The following FBXO36 variants were observed in gnomAD, a reference collection of about 807,000 sequenced individuals.
FBXO36 encodes the protein F-box protein 36, also known as F-box only protein 36.
A neutral mutation model predicts 17.0 loss-of-function variants in FBXO36; 18 were observed. That is an observed-to-expected ratio of 1.06 (90% CI 0.73 to 1.57). FBXO36 has a LOEUF of 1.57. Ranked by LOEUF, FBXO36 falls within the 40% of genes most tolerant of loss-of-function variation. The pLI is 0.00. For missense variants in FBXO36, 229 were observed against 221.9 expected, an observed-to-expected ratio of 1.03 and a Z score of -0.20; for synonymous variants, 83 against 85.3, an observed-to-expected ratio of 0.97 and a Z score of 0.15.
chr2:229,930,180 TC>T (rs1477000356), intron 1 of FBXO36, among the ~76,000 whole-genome samples: 1 of 152,000 alleles, frequency 6.6e-6, no homozygotes, highest in Non-Finnish European at 1.5e-5. Context: ...AGACCCCTTC[TC>T]TATTTTTAAA....
At position 230,012,818 on chromosome 2, in the gene FBXO36, G is replaced by T. The variant is rs567878855; in HGVS notation, c.*1934G>T. Reference sequence around the variant, plus strand: ...CAGTGCAAGATGATTAAAGCTTCATGTGTAGTATTTTATCAACAAACAGAT... The same window carrying T: ...CAGTGCAAGATGATTAAAGCTTCATTTGTAGTATTTTATCAACAAACAGAT... On this transcript the variant is annotated 3_prime_UTR_variant, in exon 4 of 4. Coordinates refer to ENST00000283946, the MANE Select transcript of FBXO36 (RefSeq NM_174899.5). The T allele has an allele frequency of 4.0e-5, 6 of 151,842 alleles. No homozygotes were observed. The South Asian group carries it at 1.2e-3, about 31-fold the overall frequency. 9.4% of individuals were successfully genotyped at this position (151,842 alleles called of 1,614,324 possible).
At chr2:229,982,986 A>G (rs1375133839) in intron 2 of FBXO36, among the ~76,000 whole-genome samples, 1 of 151,956 alleles carries the variant, frequency 6.6e-6, no homozygotes, top group Non-Finnish European at 1.5e-5. Flanking sequence ...TTGCATTTTT[A>G]TTTTATTTAT....
At chr2:229,942,547 C>A (rs1199532828) in intron 1 of FBXO36, among the ~76,000 whole-genome samples, 1 of 152,100 alleles carries the variant, frequency 6.6e-6, no homozygotes, top group Admixed American at 6.6e-5. Context: ...AGACTTGAGG[C>A]CTAGCAGCTT....
At chr2:229,951,310 C>A (rs1389604992) in intron 1 of FBXO36, among the ~76,000 whole-genome samples, 1 of 150,526 alleles carries the variant, frequency 6.6e-6, no homozygotes, top group Non-Finnish European at 1.5e-5. Context: ...GTGGCGTGAT[C>A]TCGGCTCACT....
intron 1 of FBXO36, 23 bp downstream of exon 1, chr2:229,922,632 C>T (rs1439945501): frequency 1.9e-6 from 3 of 1,612,082 alleles, no homozygotes; most frequent in East Asian, 4.5e-5. Flanking sequence ...CGCGGTTTAC[C>T]CTCTCTCCTA....
chr2:229,933,586 G>A (rs892276341), intron 1 of FBXO36, among the ~76,000 whole-genome samples: 13 of 152,184 alleles, frequency 8.5e-5, no homozygotes, highest in Non-Finnish European at 1.0e-4. Flanking sequence ...TGAGCCGGGT[G>A]CAGGGGTGCG....
intron 1 of FBXO36, among the ~76,000 whole-genome samples, chr2:229,947,604 G>A (rs1348254279): frequency 6.6e-6 from 1 of 152,260 alleles, no homozygotes; most frequent in Non-Finnish European, 1.5e-5. Flanking sequence ...GAGGCAGAGA[G>A]CTTTCTTATT....
chr2:229,954,529 C>T (rs1025315024), intron 1 of FBXO36, among the ~76,000 whole-genome samples: 7 of 148,906 alleles, frequency 4.7e-5, no homozygotes, highest in South Asian at 2.1e-4. Context: ...AGGCATGAGC[C>T]ACTGCACCCG....
chr2:230,005,730 C>T (rs148784194), intron 3 of FBXO36, among the ~76,000 whole-genome samples: 22 of 152,282 alleles, frequency 1.4e-4, no homozygotes, highest in Non-Finnish European at 2.9e-4. Flanking sequence ...TGCAGTGGCA[C>T]AATCTTCGTT....
chr2:229,982,826 C>T (rs2077247875), intron 2 of FBXO36, among the ~76,000 whole-genome samples: 1 of 148,686 alleles, frequency 6.7e-6, no homozygotes, highest in Admixed American at 6.7e-5. Flanking sequence ...CACATCTGCA[C>T]AGTTACTTTT....
chr2:229,927,208 C>A lies in FBXO36; in HGVS notation c.96+4599C>A, dbSNP rs142642647. 4.6e-5 allele frequency among the ~76,000 whole-genome samples: 7 copies of A among 152,242 alleles called. No individual in the cohort carries two copies. The East Asian group carries it at 7.7e-4, about 17-fold the overall frequency. On this transcript the variant is annotated intron_variant, in intron 1 of 3. Coordinates refer to ENST00000283946, the MANE Select transcript of FBXO36 (RefSeq NM_174899.5). Reference sequence around the variant, plus strand: ...TTATTTAGTTTGTACTTTCATGACACATATATATTCCTATTTATAGTGGGG... The same window carrying A: ...TTATTTAGTTTGTACTTTCATGACAAATATATATTCCTATTTATAGTGGGG...
At chr2:229,974,061 GGAA>G (rs2077195207) in intron 1 of FBXO36, among the ~76,000 whole-genome samples, 1 of 152,034 alleles carries the variant, frequency 6.6e-6, no homozygotes, top group Non-Finnish European at 1.5e-5. Context: ...AAAACAAAAA[GGAA>G]GAAGAAAATA....
intron 2 of FBXO36, among the ~76,000 whole-genome samples, chr2:229,982,824 C>T (rs1195913205): frequency 1.3e-5 from 2 of 149,552 alleles, no homozygotes; most frequent in African/African-American, 4.9e-5. Flanking sequence ...ATCACATCTG[C>T]ACAGTTACTT....
rs374598558 is a variant in FBXO36 at position 229,969,572 on chromosome 2, C to T, written c.97-6669C>T. Among the ~76,000 whole-genome samples, 55 of 152,212 alleles carry T rather than the reference C, an allele frequency of 3.6e-4. No individual in the cohort carries two copies. In the East Asian group the frequency reaches 8.9e-3, roughly 25 times the overall value. On this transcript the variant is annotated intron_variant, in intron 1 of 3. Coordinates refer to ENST00000283946, the MANE Select transcript of FBXO36 (RefSeq NM_174899.5). ...GCGTGGTGGCACATGCCTGTAGTCC[C>T]AGCTACTCAGTAGGCTGAGACAGGA... is the stretch of plus-strand genomic sequence containing the variant.
intron 1 of FBXO36, among the ~76,000 whole-genome samples, chr2:229,923,530 C>T (rs1483840732): frequency 6.6e-6 from 1 of 152,112 alleles, no homozygotes; most frequent in East Asian, 1.9e-4. Context: ...ATCATTCCCT[C>T]AGTTTTTCCA....
intron 1 of FBXO36, among the ~76,000 whole-genome samples, chr2:229,964,811 G>A (rs1053875349): frequency 5.3e-5 from 8 of 152,142 alleles, no homozygotes; most frequent in Non-Finnish European, 7.4e-5. Context: ...GAGCCACCGC[G>A]CCCGGTGCGT....
chr2:230,008,761 G>T (rs527847945), intron 3 of FBXO36, among the ~76,000 whole-genome samples: 14 of 152,120 alleles, frequency 9.2e-5, no homozygotes, highest in Non-Finnish European at 1.9e-4. Flanking sequence ...TTCATATTAA[G>T]ACATTTTTAA....
chr2:230,000,085 C>T (rs903032753), intron 3 of FBXO36, among the ~76,000 whole-genome samples: 23 of 151,966 alleles, frequency 1.5e-4, no homozygotes, highest in South Asian at 4.2e-4. Context: ...GGGCCTGGCA[C>T]GGTGGCTCAC....
At chr2:229,934,141 C>T (rs184655421) in intron 1 of FBXO36, among the ~76,000 whole-genome samples, 3 of 152,230 alleles carry the variant, frequency 2.0e-5, no homozygotes, top group Admixed American at 2.0e-4. Context: ...GTGGCTCACG[C>T]CTGTAATCCC....
Sources: allele counts gnomAD v4.1 joint callset (sites outside exome capture counted in the v4.1 genomes callset), GRCh38; gene constraint gnomAD v4.1.1; transcripts MANE v1.5; gene names NCBI Gene and HGNC (gene_info 2026-07-23, HGNC 2026-07-21).